The following PCDH15 variants were observed in gnomAD, a reference collection of about 807,000 sequenced individuals.
PCDH15 encodes protocadherin-15.
PCDH15 carries 129 observed loss-of-function variants against 178.5 expected under a neutral mutation model. The observed-to-expected ratio is 0.72, with a 90% CI of 0.63 to 0.84. PCDH15 has a LOEUF of 0.84. PCDH15 is among the 40% of genes least tolerant of loss of function. The pLI is 0.00. For missense variants in PCDH15, 2,230 were observed against 2,099.9 expected (o/e 1.06, Z -1.21); for synonymous variants, 800 against 732.0 (o/e 1.09, Z -1.50).
intron 2 of PCDH15, among the ~76,000 whole-genome samples, chr10:55,573,889 C>T (rs1054453257): frequency 4.6e-5 from 7 of 151,660 alleles, no homozygotes; most frequent in African/African-American, 7.3e-5. Context: ...ATTATTATAA[C>T]GTTTCTTTTA....
intron 3 of PCDH15, among the ~76,000 whole-genome samples, chr10:54,508,331 A>G (rs2081342784): frequency 6.6e-6 from 1 of 152,042 alleles, no homozygotes; most frequent in South Asian, 2.1e-4. Flanking sequence ...CTTGAAGTCA[A>G]TATAGTACCA....
rs929260157 is a variant in PCDH15 at position 53,924,599 on chromosome 10, C to T, written c.3373+14216G>A. ...CCGGACTGGCGGGCAGCTCCGCCTGCGGCCCCAGTGCAGGATCCACTAGGT... is the reference window on the plus strand; with the variant it reads ...CCGGACTGGCGGGCAGCTCCGCCTGTGGCCCCAGTGCAGGATCCACTAGGT... On this transcript the variant is annotated intron_variant, in intron 25 of 37. Transcript: ENST00000644397. 2.1e-4 allele frequency among the ~76,000 whole-genome samples: 32 copies of T among 152,236 alleles called. 1 individual carries two copies. In the East Asian group the frequency reaches 5.0e-3, roughly 24 times the overall value.
At chr10:55,588,626 GA>G (rs1842773415) in intron 2 of PCDH15, among the ~76,000 whole-genome samples, 1 of 150,816 alleles carries the variant, frequency 6.6e-6, no homozygotes, top group Non-Finnish European at 1.5e-5. Flanking sequence ...TCAAAGAAGA[GA>G]AAAAAGAATA....
intron 3 of PCDH15, among the ~76,000 whole-genome samples, chr10:54,451,536 A>G (rs1353485837): frequency 6.6e-6 from 1 of 151,910 alleles, no homozygotes; most frequent in Non-Finnish European, 1.5e-5. Flanking sequence ...ATAGCTTGGG[A>G]CCTACATAAA....
In PCDH15 at chr10:55,354,741, T is replaced by C. The variant is rs568798439; in HGVS notation, c.-155-188090A>G. ...CTTTTTGGTTGGTGATTTTGTTTAA[T>C]TTTAATTTTTAAATTAACATAAAAT... On this transcript the variant is annotated intron_variant, in intron 2 of 5. Coordinates refer to the PCDH15 transcript ENST00000613346. Among the ~76,000 whole-genome samples, 8 of 152,184 alleles carry C rather than the reference T, an allele frequency of 5.3e-5. No homozygotes were observed. In the East Asian group the frequency reaches 1.5e-3, roughly 29 times the overall value.
At chr10:54,001,839 C>T (rs1438800034) in intron 20 of PCDH15, among the ~76,000 whole-genome samples, 2 of 151,772 alleles carry the variant, frequency 1.3e-5, no homozygotes, top group South Asian at 2.1e-4. Context: ...ACACACTTCA[C>T]CTATAAAGAC....
Position 54,462,560 on chromosome 10 carries a change from G to A in PCDH15, c.157+65252C>T, listed in dbSNP as rs1186272129. Among the ~76,000 whole-genome samples, 4 of 123,588 alleles carry A rather than the reference G, an allele frequency of 3.2e-5. No individual in the cohort carries two copies. In the East Asian group the frequency reaches 9.3e-4, roughly 29 times the overall value. The allele number at this position is 123,588 out of a possible 152,430, so 81.1% of individuals were successfully genotyped here. On this transcript the variant is annotated intron_variant, in intron 3 of 37. Transcript: ENST00000644397. ...GATGGAGTCTCTCTCTGTTACCCAG[G>A]CTGGAGTGCAGTGGCATGATCTTGG...
Position 54,020,186 on chromosome 10 carries a change from C to G in PCDH15, c.2751+6G>C. The G allele has an allele frequency of 6.2e-7, 1 of 1,612,828 alleles. No individual in the cohort carries two copies. The highest frequency in any genetic ancestry group is 8.5e-7 in the Non-Finnish European group (1 of 1,179,128). On this transcript the variant is annotated splice_donor_region_variant and intron_variant, in intron 20 of 37. Transcript: ENST00000644397. ...CAGGCAACCAGAAGTCATCTCTAGC[C>G]CTTACCTTTACAATCACTGTGACAG... is the stretch of plus-strand genomic sequence containing the variant.
chr10:54,715,559 G>T (rs2095470671), intron 1 of PCDH15, among the ~76,000 whole-genome samples: 1 of 152,092 alleles, frequency 6.6e-6, no homozygotes, highest in Non-Finnish European at 1.5e-5. Flanking sequence ...CCCCCTGATG[G>T]CGTTTGGCTG....
At chr10:54,078,742 G>A (rs866146832) in intron 17 of PCDH15, among the ~76,000 whole-genome samples, 22 of 135,278 alleles carry the variant, frequency 1.6e-4, no homozygotes, top group African/African-American at 4.9e-4. Flanking sequence ...AAGCAGTTCA[G>A]AATGTCTAAC....
At chr10:55,272,460 A>G (rs2132248221) in intron 1 of PCDH15, among the ~76,000 whole-genome samples, 1 of 151,652 alleles carries the variant, frequency 6.6e-6, no homozygotes, top group South Asian at 2.1e-4. Context: ...GCTGTAGTGC[A>G]GTGACGCGAT....
intron 2 of PCDH15, among the ~76,000 whole-genome samples, chr10:55,043,123 G>A (rs1407584017): frequency 6.6e-6 from 1 of 151,586 alleles, no homozygotes; most frequent in Non-Finnish European, 1.5e-5. Context: ...TTTTCTTTTT[G>A]TTTGTTTGTT....
chr10:54,560,729 T>C (rs1392155955), intron 2 of PCDH15, among the ~76,000 whole-genome samples: 1 of 152,090 alleles, frequency 6.6e-6, no homozygotes, highest in East Asian at 1.9e-4. Context: ...AAACTTGCTC[T>C]AATTTATGGG....
At chr10:53,940,805 A>T in intron 24 of PCDH15, 61 bp downstream of exon 24, 13 of 1,234,662 alleles carry the variant, frequency 1.1e-5, no homozygotes, top group Non-Finnish European at 1.4e-5. Context: ...TTCAATCTGA[A>T]ATTAGGCCAA....
intron 2 of PCDH15, among the ~76,000 whole-genome samples, chr10:55,572,024 A>G (rs1367768508): frequency 1.3e-5 from 2 of 152,074 alleles, no homozygotes; most frequent in East Asian, 1.9e-4. Flanking sequence ...AATTGTTTTC[A>G]ATATTTTATG....
chr10:55,322,695 G>A (rs12571553), upstream of PCDH15, among the ~76,000 whole-genome samples: 25,434 of 151,704 alleles, frequency 0.17, 2,225 homozygotes, highest in South Asian at 0.24. Flanking sequence ...AACTTTGAAC[G>A]TGTGAGAGAT....
intron 2 of PCDH15, among the ~76,000 whole-genome samples, chr10:55,556,416 C>T (rs1477848889): frequency 6.6e-6 from 1 of 152,080 alleles, no homozygotes; most frequent in African/African-American, 2.4e-5. Flanking sequence ...GATGCTTATG[C>T]CAAATCATGC....
chr10:55,308,919 C>A (rs1843502095), intron 1 of PCDH15, among the ~76,000 whole-genome samples: 1 of 152,114 alleles, frequency 6.6e-6, no homozygotes, highest in Admixed American at 6.5e-5. Context: ...GCAAGGAAAG[C>A]AATATATTTA....
intron 10 of PCDH15, among the ~76,000 whole-genome samples, chr10:54,206,145 G>T (rs778829719): frequency 6.6e-6 from 1 of 152,000 alleles, no homozygotes; most frequent in Non-Finnish European, 1.5e-5. Context: ...TTGTTACAAC[G>T]AACACATGAA....
Sources: gnomAD v4.1 joint callset for allele counts (sites outside exome capture counted in the v4.1 genomes callset) on GRCh38, gnomAD v4.1.1 for gene constraint, MANE v1.5 for transcripts, NCBI Gene and HGNC (gene_info 2026-07-23, HGNC 2026-07-21) for gene names.